The following CTNNA2 variants were observed in gnomAD, a reference collection of about 807,000 sequenced individuals.
The protein encoded by CTNNA2 is catenin alpha 2, also known as catenin alpha-2.
A neutral mutation model predicts 101.0 loss-of-function variants in CTNNA2; 42 were observed. The ratio of observed to expected loss-of-function variants is 0.42; its 90% CI spans 0.32 to 0.54. The LOEUF is 0.54. Ranked by LOEUF, CTNNA2 falls within the 20% of genes least tolerant of loss-of-function variation. The pLI, the probability that CTNNA2 is intolerant of heterozygous loss-of-function variation, is 0.14. For missense variants in CTNNA2, 871 were observed against 1,223.1 expected, an observed-to-expected ratio of 0.71 and a Z score of 4.29; for synonymous variants, 450 against 456.4, an observed-to-expected ratio of 0.99 and a Z score of 0.18.
At chr2:80,359,994 G>T (rs902236082) in intron 7 of CTNNA2, among the ~76,000 whole-genome samples, 1 of 151,996 alleles carries the variant, frequency 6.6e-6, no homozygotes, top group Admixed American at 6.6e-5. Context: ...ACATCTTAAT[G>T]AAATTGAATT....
At chr2:79,383,983 C>A (rs1678069502) in intron 4 of CTNNA2, among the ~76,000 whole-genome samples, 1 of 152,056 alleles carries the variant, frequency 6.6e-6, no homozygotes, top group African/African-American at 2.4e-5. Context: ...TAGGCCCATT[C>A]ATAATCATTG....
rs561094183 is a variant in CTNNA2 at position 79,486,062 on chromosome 2, ATTTATTTTAT to A, written c.-134-18980_-134-18971del. Among the ~76,000 whole-genome samples the A allele has an allele frequency of 3.8e-3, 572 of 152,176 alleles. 2 individuals are homozygous for A. Among genetic ancestry groups the A allele is most frequent in the African/African-American group, 0.013 (527 of 41,550 alleles). On this transcript the variant is annotated intron_variant, in intron 4 of 21. Transcript: ENST00000466387. ...CAAAAGTGAAAGCTGATTTAAAATG[ATTTATTTTAT>A]TTTATTTTATTATTATTATACTTTA...
chr2:80,491,932 G>A (rs1019942287), intron 9 of CTNNA2, among the ~76,000 whole-genome samples: 1 of 152,102 alleles, frequency 6.6e-6, no homozygotes, highest in African/African-American at 2.4e-5. Context: ...CCTGGTGGGG[G>A]TATCCACCGT....
In CTNNA2 at chr2:80,084,925, A is replaced by T. The variant is rs78624376; in HGVS notation, c.1056+175128A>T. Among the ~76,000 whole-genome samples the T allele has an allele frequency of 1.8e-4, 28 of 152,260 alleles. No homozygotes were observed. The East Asian group carries it at 5.4e-3, about 29-fold the overall frequency. The stretch of plus-strand genomic sequence containing the variant: ...AACTATGACGAACAAAAGGAACATT[A>T]CAAGGTGGAGTTTTGATAAAAGTGG... On this transcript the variant is annotated intron_variant, in intron 7 of 18. Coordinates refer to ENST00000402739, the MANE Select transcript of CTNNA2 (RefSeq NM_001282597.3).
At chr2:79,846,978 A>G (rs909992148) in intron 3 of CTNNA2, among the ~76,000 whole-genome samples, 1 of 152,230 alleles carries the variant, frequency 6.6e-6, no homozygotes, top group African/African-American at 2.4e-5. Context: ...CAAACAAATC[A>G]TCTTGACTTG....
At chr2:79,392,393 A>G (rs1435676150) in intron 4 of CTNNA2, among the ~76,000 whole-genome samples, 1 of 152,220 alleles carries the variant, frequency 6.6e-6, no homozygotes, top group Non-Finnish European at 1.5e-5. Context: ...ACACTAAAGT[A>G]GAAGACAGGT....
intron 7 of CTNNA2, among the ~76,000 whole-genome samples, chr2:80,064,288 T>G (rs1322698636): frequency 1.3e-5 from 2 of 152,246 alleles, no homozygotes; most frequent in Non-Finnish European, 2.9e-5. Flanking sequence ...TGCTGATTTC[T>G]GACTTAATTT....
intron 7 of CTNNA2, chr2:80,313,592 G>A (rs766377284): frequency 6.2e-7 from 1 of 1,611,432 alleles, no homozygotes; most frequent in South Asian, 1.1e-5. Flanking sequence ...ACTCCAGTCA[G>A]TAGGCAAAGT....
intron 1 of CTNNA2, among the ~76,000 whole-genome samples, chr2:79,544,059 T>C (rs1673580032): frequency 6.6e-6 from 1 of 152,144 alleles, no homozygotes; most frequent in African/African-American, 2.4e-5. Flanking sequence ...TTGCCCAGCC[T>C]CCTGAGTAGC....
intron 7 of CTNNA2, among the ~76,000 whole-genome samples, chr2:80,005,399 CA>C (rs1443900425): frequency 6.6e-6 from 1 of 152,118 alleles, no homozygotes; most frequent in Non-Finnish European, 1.5e-5. Flanking sequence ...CATCTCCTAC[CA>C]TGAGTTCCTA....
In CTNNA2 at chr2:79,771,199, T is replaced by G. The variant is rs527265010; in HGVS notation, c.298+26617T>G. 6.2e-4 allele frequency among the ~76,000 whole-genome samples: 94 copies of G among 152,306 alleles called. 1 individual carries two copies. The South Asian group carries it at 0.017, about 28-fold the overall frequency. ...GTAAACTTAATCCTTGTAGATGGCA[T>G]CAAAATGAGAACTAGAATATACTTA... On this transcript the variant is annotated intron_variant, in intron 3 of 18. Coordinates refer to ENST00000402739, the MANE Select transcript of CTNNA2 (RefSeq NM_001282597.3).
chr2:79,701,997 CAAAAAAAAAAAAAA>C (rs58716617), intron 2 of CTNNA2, among the ~76,000 whole-genome samples: 2 of 75,434 alleles, frequency 2.7e-5, no homozygotes, highest in Non-Finnish European at 4.9e-5. Flanking sequence ...GACTCTGTCT[CAAAAAAAAAAAAAA>C]AAAAAAAAAA....
intron 7 of CTNNA2, among the ~76,000 whole-genome samples, chr2:80,089,774 A>G (rs76126363): frequency 0.018 from 2,797 of 152,024 alleles, 75 homozygotes; most frequent in African/African-American, 0.06. Flanking sequence ...GGGAAGATCC[A>G]AGGGACTCTT....
chr2:79,976,359 T>A lies in CTNNA2; in HGVS notation c.1056+66562T>A, dbSNP rs556056355. On this transcript the variant is annotated intron_variant, in intron 7 of 18. Coordinates refer to ENST00000402739, the MANE Select transcript of CTNNA2 (RefSeq NM_001282597.3). The stretch of plus-strand genomic sequence containing the variant: ...TGAATAAGACACCATACCCTGGAGT[T>A]GAATTTCAATGGAATGTGATTCACA... Among the ~76,000 whole-genome samples, 5 of 152,288 alleles carry A rather than the reference T, an allele frequency of 3.3e-5. No individual in the cohort carries two copies. In the South Asian group the frequency reaches 1.0e-3, roughly 32 times the overall value.
chr2:79,614,749 A>G (rs1678507583), intron 1 of CTNNA2, among the ~76,000 whole-genome samples: 1 of 152,186 alleles, frequency 6.6e-6, no homozygotes, highest in Non-Finnish European at 1.5e-5. Context: ...TTCTGTAGAA[A>G]AAATAGAATG....
intron 7 of CTNNA2, among the ~76,000 whole-genome samples, chr2:80,346,112 G>A (rs187255325): frequency 7.9e-5 from 12 of 152,118 alleles, no homozygotes; most frequent in Admixed American, 4.6e-4. Flanking sequence ...ATTTTGTTTC[G>A]GGGACTTAAT....
At chr2:79,559,448 C>T (rs1357812157) in intron 1 of CTNNA2, among the ~76,000 whole-genome samples, 4 of 151,886 alleles carry the variant, frequency 2.6e-5, no homozygotes, top group African/African-American at 4.8e-5. Flanking sequence ...AACAGAGGCC[C>T]GGCTTCATTT....
intron 7 of CTNNA2, among the ~76,000 whole-genome samples, chr2:79,925,014 A>G (rs1400595158): frequency 6.6e-6 from 1 of 152,084 alleles, no homozygotes; most frequent in Non-Finnish European, 1.5e-5. Flanking sequence ...CGCACAAGTG[A>G]TATCACAATA....
intron 7 of CTNNA2, among the ~76,000 whole-genome samples, chr2:80,261,210 A>C (rs1401714802): frequency 1.3e-5 from 2 of 152,220 alleles, no homozygotes; most frequent in Non-Finnish European, 2.9e-5. Context: ...TAGAAAATTT[A>C]GATGTGTATT....
Sources: gnomAD v4.1 joint callset for allele counts (sites outside exome capture counted in the v4.1 genomes callset) on GRCh38, gnomAD v4.1.1 for gene constraint, MANE v1.5 for transcripts, NCBI Gene and HGNC (gene_info 2026-07-23, HGNC 2026-07-21) for gene names.